Variants in MAP9 observed in about 807,000 individuals in gnomAD.
MAP9 encodes the protein microtubule-associated protein 9.
Under a neutral mutation model 75.2 loss-of-function variants are expected in MAP9, and 80 were observed. That is an observed-to-expected ratio of 1.06 (90% CI 0.89 to 1.28). The LOEUF (loss-of-function observed/expected upper bound fraction) is 1.28, where lower values mean the gene tolerates loss of function less well. MAP9 is among the 50% of genes most tolerant of loss of function. The pLI, the probability that MAP9 is intolerant of heterozygous loss-of-function variation, is 0.00. For missense variants in MAP9, 753 were observed against 719.9 expected (o/e 1.05, Z -0.53); for synonymous variants, 235 against 237.3 (o/e 0.99, Z 0.09).
chr4:155,360,596 AATAGTC>A lies in MAP9; in HGVS notation c.803-187_803-182del, dbSNP rs1384353546. On this transcript the variant is annotated intron_variant, in intron 6 of 13. Coordinates refer to ENST00000311277, the MANE Select transcript of MAP9 (RefSeq NM_001039580.2). The stretch of plus-strand genomic sequence containing the variant: ...TTTTCGAAAGTGATTTACAAAAAAA[AATAGTC>A]TAGGCTTAACTAATGAAGCACTTAA... 5.1e-6 allele frequency: 3 copies of A among 583,588 alleles called. No individual in the cohort carries two copies. The East Asian group carries it at 9.2e-5, about 18-fold the overall frequency. 36.2% of individuals were successfully genotyped at this position (583,588 alleles called of 1,614,324 possible). A position where few individuals can be genotyped will look rare whatever the true frequency, so the allele number is the denominator to read the frequency against.
rs530549555 is a variant in MAP9 at position 155,349,986 on chromosome 4, C to T, written c.1822-2081G>A. 1.8e-5 allele frequency: 4 copies of T among 224,720 alleles called. No homozygotes were observed. In the South Asian group the frequency reaches 2.3e-4, roughly 13 times the overall value. 13.9% of individuals were successfully genotyped at this position (224,720 alleles called of 1,614,324 possible). ...ATTAAAAGAACCTTGTTAAAAAGTC[C>T]TTCAGACATTTATTTGTGGAAAACT... On this transcript the variant is annotated intron_variant, in intron 13 of 13. Coordinates refer to ENST00000311277, the MANE Select transcript of MAP9 (RefSeq NM_001039580.2).
rs773270849 is a variant in MAP9 at position 155,347,868 on chromosome 4, T to G, written c.1859A>C (p.Gln620Pro). ...TTCAAGAAAGGAATGACGTTTCTTC[T>G]GTTTTCGTTCAATTCTTTCTTGTTT... is the stretch of plus-strand genomic sequence containing the variant. ...KEKQERIERK[Q>P]KKRHSFLESE... Residue 620 changes from glutamine (Q) to proline (P), a missense_variant, in exon 14 of 14, where the codon CAG (glutamine) becomes CCG (proline). Coordinates refer to ENST00000311277, the MANE Select transcript of MAP9 (RefSeq NM_001039580.2). 1.9e-6 allele frequency: 3 copies of G among 1,582,686 alleles called. No individual in the cohort carries two copies. The highest frequency in any genetic ancestry group is 2.6e-6 in the Non-Finnish European group (3 of 1,155,846).
Position 155,342,796 on chromosome 4 carries a change from A to C in MAP9, c.*4987T>G, listed in dbSNP as rs535142385. On this transcript the variant is annotated 3_prime_UTR_variant, in exon 14 of 14. Transcript: ENST00000311277. ...GTGAAAACCTCTGAGTGACTATCTCAAAGTGTATATGTCATATAACCTGCT... is the reference window on the plus strand; with the variant it reads ...GTGAAAACCTCTGAGTGACTATCTCCAAGTGTATATGTCATATAACCTGCT... The C allele has an allele frequency of 1.3e-5, 2 of 152,188 alleles. No homozygotes were observed. The highest frequency in any genetic ancestry group is 4.1e-4 in the South Asian group (2 of 4,828). 9.4% of individuals were successfully genotyped at this position (152,188 alleles called of 1,614,324 possible).
chr4:155,355,993 G>A, intron 8 of MAP9, 109 bp from the exon 9 acceptor site: 1 of 945,374 alleles, frequency 1.1e-6, no homozygotes. Context: ...AGGCATGATG[G>A]CTCACACCTG....
At chr4:155,363,567 T>C (rs934895139) in intron 5 of MAP9, among the ~76,000 whole-genome samples, 5 of 152,054 alleles carry the variant, frequency 3.3e-5, no homozygotes, top group Non-Finnish European at 7.4e-5. Context: ...GGGGATTTTA[T>C]ATTAAAAAAC....
chr4:155,372,376 C>CA lies in MAP9; in HGVS notation c.481+759dup, dbSNP rs1263838107. On this transcript the variant is annotated intron_variant, in intron 4 of 13. Transcript: ENST00000311277. ...TTTATAAAATACAAAGAATGAAAAA[C>CA]AAAAAATCCTTAACCTTGCATATAC... Among the ~76,000 whole-genome samples, 9 of 152,132 alleles carry CA rather than the reference C, an allele frequency of 5.9e-5. No homozygotes were observed. In the South Asian group the frequency reaches 1.5e-3, roughly 25 times the overall value.
chr4:155,361,092 A>T (rs1375384992), intron 6 of MAP9: 2 of 152,060 alleles, frequency 1.3e-5, no homozygotes, highest in African/African-American at 4.8e-5. Flanking sequence ...GGGATCACCA[A>T]CTTTCAGTTC....
chr4:155,357,316 C>T, intron 8 of MAP9, 133 bp downstream of exon 8: 1 of 669,646 alleles, frequency 1.5e-6, no homozygotes, highest in South Asian at 1.7e-5. Context: ...AAGTTAACTA[C>T]TTTCATTTTA....
intron 6 of MAP9, 58 bp from the exon 7 acceptor site, chr4:155,360,473 C>T: frequency 6.7e-7 from 1 of 1,489,432 alleles, no homozygotes. Context: ...AAGGTAAATA[C>T]TTGATTCATT....
Position 155,355,878 on chromosome 4 carries a change from C to G in MAP9, c.1128G>C (p.Met376Ile). Residue 376 changes from methionine (M) to isoleucine (I), a missense_variant, in exon 9 of 14, where the codon ATG becomes ATC. By Grantham distance (10) the Met-to-Ile change is conservative (BLOSUM62 1). Coordinates refer to ENST00000311277, the MANE Select transcript of MAP9 (RefSeq NM_001039580.2). Reference sequence around the variant, plus strand: ...TAGATTTCTTCAAAAACTCAGAGGTCATTAATCTGAAAAGATCCAAATGAA... The same window carrying G: ...TAGATTTCTTCAAAAACTCAGAGGTGATTAATCTGAAAAGATCCAAATGAA... ...NRASSASARL[M>I]TSEFLKKSSS... 6.2e-7 allele frequency: 1 copy of G among 1,610,024 alleles called. No individual in the cohort carries two copies.
intron 5 of MAP9, among the ~76,000 whole-genome samples, chr4:155,365,299 C>T (rs28844110): frequency 0.054 from 8,210 of 151,970 alleles, 483 homozygotes; most frequent in African/African-American, 0.14. Flanking sequence ...GAGGTAGAGA[C>T]GTTTCATAAT....
chr4:155,358,057 T>C (rs1731886201), intron 7 of MAP9, among the ~76,000 whole-genome samples: 1 of 152,204 alleles, frequency 6.6e-6, no homozygotes, highest in South Asian at 2.1e-4. Flanking sequence ...GATGGAATTC[T>C]TGTGATGAGA....
In MAP9 at chr4:155,353,333, GC is replaced by G. The variant is rs1731608499; in HGVS notation, c.1387del (p.Ala463LeufsTer8). On this transcript the variant is annotated frameshift_variant, in exon 11 of 14. Coordinates refer to ENST00000311277, the MANE Select transcript of MAP9 (RefSeq NM_001039580.2). LOFTEE classifies it high-confidence loss of function. ...TGCTAATGCTTCTTCTCTTTTAGCA[GC>G]TTTTTTCTACAGTGGAAAAAATAAT... Reference protein sequence around the residue: ...NLRIQNEQKKAAKREEALASF... With the variant: ...NLRIQNEQKKXAKREEALASF... 1 of 1,557,270 alleles carries G rather than the reference GC, an allele frequency of 6.4e-7. No individual in the cohort carries two copies. The highest frequency in any genetic ancestry group is 2.2e-5 in the Admixed American group (1 of 46,398).
chr4:155,368,451 C>G, intron 5 of MAP9, 135 bp downstream of exon 5: 1 of 722,560 alleles, frequency 1.4e-6, no homozygotes, highest in South Asian at 1.7e-5. Context: ...AAATTATTTC[C>G]TTATCAGTTG....
intron 5 of MAP9, 141 bp from the exon 6 acceptor site, chr4:155,362,282 C>T: frequency 3.6e-6 from 2 of 553,706 alleles, no homozygotes; most frequent in Non-Finnish European, 6.2e-6. Context: ...TGCTGAAACG[C>T]AAAGTGTGAC....
rs1440567771 is a variant in MAP9 at position 155,355,796 on chromosome 4, T to G, written c.1210A>C (p.Lys404Gln). 6.2e-7 allele frequency: 1 copy of G among 1,613,876 alleles called. No individual in the cohort carries two copies. The highest frequency in any genetic ancestry group is 1.3e-5 in the African/African-American group (1 of 74,930). The stretch of plus-strand genomic sequence containing the variant: ...TGTGAAGGTTTTTGGTCCAAGACTT[T>G]TAAAGTCCCTAAATAGTGAGAAGAG... ...TTSSHYLGTL[K>Q]VLDQKPSQKQ... Residue 404 changes from lysine (K) to glutamine (Q), a missense_variant, in exon 9 of 14, where the codon AAA (lysine) becomes CAA (glutamine). Lys to Gln is a moderately conservative substitution (Grantham distance 53). Coordinates refer to ENST00000311277, the MANE Select transcript of MAP9 (RefSeq NM_001039580.2).
rs1157980596 is a variant in MAP9, at chr4:155,355,826, T to C, written c.1180A>G (p.Thr394Ala). Residue 394 changes from threonine to alanine, a missense_variant, in exon 9 of 14, where the codon ACT (threonine) becomes GCT (alanine). Thr to Ala is a moderately conservative substitution (Grantham distance 58). Coordinates refer to ENST00000311277, the MANE Select transcript of MAP9 (RefSeq NM_001039580.2). The stretch of plus-strand genomic sequence containing the variant: ...GTCCCTAAATAGTGAGAAGAGGTAG[T>C]TGTCGATGGAGTTCTCCTTTTAGAA... ...SSSKRRTPST[T>A]TSSHYLGTLK... 6.2e-7 allele frequency: 1 copy of C among 1,613,796 alleles called. No homozygotes were observed. The highest frequency in any genetic ancestry group is 8.5e-7 in the Non-Finnish European group (1 of 1,179,796).
At position 155,347,878 on chromosome 4, in the gene MAP9, C is replaced by A; in HGVS notation, c.1849G>T (p.Glu617Ter). 6.4e-7 allele frequency: 1 copy of A among 1,564,690 alleles called. No individual in the cohort carries two copies. The highest frequency in any genetic ancestry group is 2.3e-5 in the East Asian group (1 of 43,278). Reference protein sequence around the residue: ...LENKEKQERIERKQKKRHSFL... With the variant: ...LENKEKQERI ...GAATGACGTTTCTTCTGTTTTCGTTCAATTCTTTCTTGTTTTTCCTTATTT... is the reference window on the plus strand; with the variant it reads ...GAATGACGTTTCTTCTGTTTTCGTTAAATTCTTTCTTGTTTTTCCTTATTT... The change falls in exon 14 of 14, where the codon GAA (glutamate) becomes TAA (stop). Residue 617 changes from glutamate to a stop codon, truncating the protein, a stop_gained. Transcript: ENST00000311277. LOFTEE classifies it high-confidence loss of function.
At chr4:155,366,089 C>T (rs1425807362) in intron 5 of MAP9, among the ~76,000 whole-genome samples, 1 of 152,002 alleles carries the variant, frequency 6.6e-6, no homozygotes, top group East Asian at 1.9e-4. Context: ...GGCCAGGCGC[C>T]GTGGCTCACG....
Sources: gnomAD v4.1 joint callset for allele counts (sites outside exome capture counted in the v4.1 genomes callset) on GRCh38, gnomAD v4.1.1 for gene constraint, MANE v1.5 for transcripts, NCBI Gene and HGNC (gene_info 2026-07-23, HGNC 2026-07-21) for gene names.